The following POMZP3 variants were observed in gnomAD, a reference collection of about 807,000 sequenced individuals.
POMZP3 encodes POM121 and ZP3 fusion.
In POMZP3, 10 loss-of-function variants were observed where a neutral mutation model predicts 19.8. The ratio of observed to expected loss-of-function variants is 0.51; its 90% CI spans 0.31 to 0.86. The LOEUF is 0.86. POMZP3 is among the 40% of genes least tolerant of loss of function. The probability of loss-of-function intolerance (pLI) is 0.04; values close to 1 mark genes in which losing one functional copy is unlikely to be tolerated. For missense variants in POMZP3, 152 were observed against 228.1 expected (o/e 0.67, Z 2.15); for synonymous variants, 57 against 85.8 (o/e 0.66, Z 1.85).
chr7:76,611,164 A>G (rs1372271375), intron 6 of POMZP3, among the ~76,000 whole-genome samples: 5 of 149,784 alleles, frequency 3.3e-5, no homozygotes, highest in African/African-American at 1.2e-4. Flanking sequence ...CTGAGCCACT[A>G]TGCCAAGCCA....
intron 3 of POMZP3, among the ~76,000 whole-genome samples, chr7:76,623,775 A>C (rs966060211): frequency 2.6e-5 from 4 of 152,014 alleles, no homozygotes; most frequent in African/African-American, 9.7e-5. Context: ...ACACTCCGGC[A>C]TGGCTGACAG....
intron 4 of POMZP3, among the ~76,000 whole-genome samples, chr7:76,617,349 C>T (rs1474534890): frequency 1.0e-5 from 1 of 96,382 alleles, no homozygotes; most frequent in Non-Finnish European, 2.2e-5. Flanking sequence ...TACTGCATCC[C>T]TCCCCCACCT....
intron 4 of POMZP3, among the ~76,000 whole-genome samples, chr7:76,613,433 G>A (rs1475689711): frequency 1.5e-5 from 2 of 131,272 alleles, no homozygotes; most frequent in African/African-American, 5.3e-5. Context: ...CCCAATATGA[G>A]CTCCTGCTGG....
At position 76,625,496 on chromosome 7, in the gene POMZP3, G is replaced by A. The variant is rs1285372479; in HGVS notation, c.227+26C>T. The A allele has an allele frequency of 3.1e-6, 5 of 1,609,706 alleles. No individual in the cohort carries two copies. In the African/African-American group the frequency reaches 4.0e-5, roughly 13 times the overall value. On this transcript the variant is annotated intron_variant, in intron 3 of 6. Coordinates refer to ENST00000310842, the MANE Select transcript of POMZP3 (RefSeq NM_012230.5). ...CCATAGGAGTCCAAGCGGGAAACTGGCTTAGTACTCTCCTGAGCCTGTTAC... is the reference window on the plus strand; with the variant it reads ...CCATAGGAGTCCAAGCGGGAAACTGACTTAGTACTCTCCTGAGCCTGTTAC...
rs1294248008 is a variant in POMZP3 at position 76,616,947 on chromosome 7, C to G, written c.345+1236G>C. Among the ~76,000 whole-genome samples the G allele has an allele frequency of 2.1e-5, 2 of 93,694 alleles. 1 individual carries two copies. The highest frequency in any genetic ancestry group is 4.6e-5 in the Non-Finnish European group (2 of 43,254). 61.5% of individuals were successfully genotyped at this position (93,694 alleles called of 152,430 possible). Reference sequence around the variant, plus strand: ...CCGAGGCAGGCGGATCACCTGAGGTCAGGAGTTTGGGACCAGCCTGGACAA... The same window carrying G: ...CCGAGGCAGGCGGATCACCTGAGGTGAGGAGTTTGGGACCAGCCTGGACAA... On this transcript the variant is annotated intron_variant, in intron 4 of 6. Coordinates refer to ENST00000310842, the MANE Select transcript of POMZP3 (RefSeq NM_012230.5).
chr7:76,621,716 G>A (rs1210860470), intron 3 of POMZP3, among the ~76,000 whole-genome samples: 4 of 151,670 alleles, frequency 2.6e-5, no homozygotes, highest in South Asian at 2.1e-4. Context: ...TGAGGCGGGC[G>A]GATCACGAGG....
At chr7:76,625,823 T>C (rs1468858098) in intron 2 of POMZP3, 140 bp from the exon 3 acceptor site, 16 of 1,365,632 alleles carry the variant, frequency 1.2e-5, no homozygotes, top group Non-Finnish European at 1.5e-5. Context: ...AAAGCTACTT[T>C]TTCGTTAACG....
chr7:76,611,451 T>C lies in POMZP3; in HGVS notation c.*11+3A>G, dbSNP rs1428757818. 6.5e-7 allele frequency: 1 copy of C among 1,549,168 alleles called. No homozygotes were observed. The highest frequency in any genetic ancestry group is 1.8e-5 in the Admixed American group (1 of 54,338). ...ACAGCCTCTTGGCCATTCTATGACA[T>C]ACCATGCCTGCGGTTACAGGGAAGC... On this transcript the variant is annotated splice_donor_region_variant and intron_variant, in intron 6 of 6. Transcript: ENST00000310842.
chr7:76,623,845 C>T (rs1279079524), intron 3 of POMZP3, among the ~76,000 whole-genome samples: 1 of 151,730 alleles, frequency 6.6e-6, no homozygotes, highest in Non-Finnish European at 1.5e-5. Context: ...AAGCAAAGCA[C>T]GCTTGGTGAC....
chr7:76,617,324 G>T (rs1636618), intron 4 of POMZP3, among the ~76,000 whole-genome samples: 3 of 95,686 alleles, frequency 3.1e-5, no homozygotes, highest in African/African-American at 9.6e-5. Flanking sequence ...TGTTGGTCCT[G>T]GCACCTGCAC....
At chr7:76,626,616 C>T (rs2006267) in intron 1 of POMZP3, 92 bp downstream of exon 1, 247,249 of 1,219,820 alleles carry the variant, frequency 0.2, 24,863 homozygotes, top group South Asian at 0.27. Context: ...CAATTCCCTT[C>T]GGATTTGATG....
At position 76,626,774 on chromosome 7, in the gene POMZP3, C is replaced by T; in HGVS notation, c.-218G>A. 1 of 1,179,238 alleles carries T rather than the reference C, an allele frequency of 8.5e-7. No homozygotes were observed. Among genetic ancestry groups the T allele is most frequent in the Non-Finnish European group, 1.1e-6 (1 of 937,444 alleles). 73.0% of individuals were successfully genotyped at this position (1,179,238 alleles called of 1,614,324 possible). ...GAGAGAGGGGTAAAAGTGGTGAACG[C>T]GATGGGTCGGCGGGGAGGGCGGTGT... On this transcript the variant is annotated 5_prime_UTR_variant, in exon 1 of 7. Transcript: ENST00000310842.
Position 76,614,567 on chromosome 7 carries a change from A to G in POMZP3, c.346-2754T>C, listed in dbSNP as rs1418213679. ...AAGAGTGACACTCCATTTCCCCCAA[A>G]AAAAAAAAAAAAAAAGAGGGGAGTG... On this transcript the variant is annotated intron_variant, in intron 4 of 6. Transcript: ENST00000310842. Among the ~76,000 whole-genome samples the G allele has an allele frequency of 5.0e-4, 41 of 81,800 alleles. 10 individuals carry two copies. The highest frequency in any genetic ancestry group is 2.1e-3 in the African/African-American group (40 of 19,164). The allele number at this position is 81,800 out of a possible 152,430, so 53.7% of individuals were successfully genotyped here.
At chr7:76,624,017 G>T (rs1273976102) in intron 3 of POMZP3, among the ~76,000 whole-genome samples, 2 of 143,332 alleles carry the variant, frequency 1.4e-5, no homozygotes, top group Non-Finnish European at 3.0e-5. Flanking sequence ...AAGTTATGAG[G>T]ATGTATTTTT....
At position 76,613,611 on chromosome 7, in the gene POMZP3, C is replaced by T. The variant is rs1353145535; in HGVS notation, c.346-1798G>A. Among the ~76,000 whole-genome samples, 2 of 83,032 alleles carry T rather than the reference C, an allele frequency of 2.4e-5. 1 individual carries two copies. Among genetic ancestry groups the T allele is most frequent in the East Asian group, 5.5e-4 (2 of 3,652 alleles). The allele number at this position is 83,032 out of a possible 152,430, so 54.5% of individuals were successfully genotyped here. ...TTAAGCGATTCTCTTGCCTCAGCCT[C>T]CCAAGTAGATGGGATTATGGGTACC... On this transcript the variant is annotated intron_variant, in intron 4 of 6. Coordinates refer to ENST00000310842, the MANE Select transcript of POMZP3 (RefSeq NM_012230.5).
chr7:76,620,244 C>T (rs1815476854), intron 3 of POMZP3, among the ~76,000 whole-genome samples: 1 of 84,436 alleles, frequency 1.2e-5, no homozygotes, highest in Non-Finnish European at 2.4e-5. Context: ...AGGAGAATGG[C>T]GCGAACCCGG....
rs1193493149 is a variant in POMZP3, at chr7:76,613,507, C to CTTTTTTTTTTTT, written c.346-1706_346-1695dup. Among the ~76,000 whole-genome samples the CTTTTTTTTTTTT allele has an allele frequency of 1.8e-3, 119 of 67,408 alleles. 28 individuals are homozygous for CTTTTTTTTTTTT. Among genetic ancestry groups the CTTTTTTTTTTTT allele is most frequent in the East Asian group, 6.2e-3 (18 of 2,916 alleles). 44.2% of individuals were successfully genotyped at this position (67,408 alleles called of 152,430 possible). A position where few individuals can be genotyped will look rare whatever the true frequency, so the allele number is the denominator to read the frequency against. ...ACCCTGTAAGCACTGCCCCCCTACC[C>CTTTTTTTTTTTT]TTTTTTTTTTTTTTTTTTCTGAGAC... On this transcript the variant is annotated intron_variant, in intron 4 of 6. Transcript: ENST00000310842.
intron 3 of POMZP3, chr7:76,621,146 A>C (rs1047293327): frequency 2.0e-5 from 3 of 148,814 alleles, no homozygotes; most frequent in Non-Finnish European, 4.4e-5. Context: ...TGGCGCCATC[A>C]CCGGAGACGC....
rs1815308157 is a variant in POMZP3, at chr7:76,616,831, G to A, written c.345+1352C>T. On this transcript the variant is annotated intron_variant, in intron 4 of 6. Transcript: ENST00000310842. Reference sequence around the variant, plus strand: ...AGACTGTGCCATTGCATTCCAGCCTGGACTGCAGAGCGAGACTCCAACTCA... The same window carrying A: ...AGACTGTGCCATTGCATTCCAGCCTAGACTGCAGAGCGAGACTCCAACTCA... 3.3e-5 allele frequency among the ~76,000 whole-genome samples: 3 copies of A among 92,056 alleles called. 1 individual carries two copies. The highest frequency in any genetic ancestry group is 1.1e-4 in the Admixed American group (1 of 9,268). The allele number at this position is 92,056 out of a possible 152,430, so 60.4% of individuals were successfully genotyped here. A position where few individuals can be genotyped will look rare whatever the true frequency, so the allele number is the denominator to read the frequency against.
Sources: allele counts gnomAD v4.1 joint callset (sites outside exome capture counted in the v4.1 genomes callset), GRCh38; gene constraint gnomAD v4.1.1; transcripts MANE v1.5; gene names NCBI Gene and HGNC (gene_info 2026-07-23, HGNC 2026-07-21).